Variants in PRC1 observed in about 807,000 individuals in gnomAD.
PRC1 encodes the protein protein regulator of cytokinesis 1, also known as anaphase spindle elongation 1 homolog.
Under a neutral mutation model 91.2 loss-of-function variants are expected in PRC1, and 54 were observed. The observed-to-expected ratio is 0.59, with a 90% confidence interval of 0.48 to 0.74. The LOEUF is 0.74. Ranked by LOEUF, PRC1 falls within the 30% of genes least tolerant of loss-of-function variation. The pLI, the probability that PRC1 is intolerant of heterozygous loss-of-function variation, is 0.00. For synonymous variants in PRC1, 275 were observed against 263.6 expected (o/e 1.04, Z -0.42); for missense variants, 727 against 746.2 (o/e 0.97, Z 0.30).
At chr15:90,987,366 G>C (rs1217784669) in intron 1 of PRC1, among the ~76,000 whole-genome samples, 2 of 152,172 alleles carry the variant, frequency 1.3e-5, no homozygotes, top group Non-Finnish European at 2.9e-5. Flanking sequence ...GCAGTGACTG[G>C]TAGAGGGCTT....
chr15:90,976,617 A>G lies in PRC1; in HGVS notation c.1203+59T>C, dbSNP rs1161362114. 7 of 1,323,556 alleles carry G rather than the reference A, an allele frequency of 5.3e-6. No homozygotes were observed. In the African/African-American group the frequency reaches 5.9e-5, roughly 11 times the overall value. 82.0% of individuals were successfully genotyped at this position (1,323,556 alleles called of 1,614,324 possible). Reference sequence around the variant, plus strand: ...GGCTAAACAATAGAAAGAAAAAGACATACAAATAGTGAGGTATCTTTGTAA... The same window carrying G: ...GGCTAAACAATAGAAAGAAAAAGACGTACAAATAGTGAGGTATCTTTGTAA... On this transcript the variant is annotated intron_variant, in intron 9 of 14. Coordinates refer to ENST00000394249, the MANE Select transcript of PRC1 (RefSeq NM_003981.4).
intron 9 of PRC1, among the ~76,000 whole-genome samples, chr15:90,976,157 T>C (rs1378168448): frequency 6.6e-6 from 1 of 152,128 alleles, no homozygotes; most frequent in African/African-American, 2.4e-5. Flanking sequence ...GGCGCGGTCT[T>C]GGCTCACTGC....
intron 11 of PRC1, 144 bp from the exon 12 acceptor site, chr15:90,970,658 A>C (rs2038042395): frequency 3.3e-6 from 2 of 602,784 alleles, no homozygotes; most frequent in African/African-American, 3.7e-5. Context: ...GCTGTGTCTA[A>C]TACTGCATAG....
chr15:90,972,214 C>CAAA (rs780979035), intron 11 of PRC1, among the ~76,000 whole-genome samples: 47 of 119,248 alleles, frequency 3.9e-4, no homozygotes, highest in Admixed American at 6.1e-4. Context: ...ACACCACCAA[C>CAAA]AAAAAAAAAA....
rs2040166699 is a variant in PRC1 at position 90,994,313 on chromosome 15, G to C, written c.11+94C>G. The C allele has an allele frequency of 3.2e-6, 5 of 1,584,570 alleles. No homozygotes were observed. The East Asian group carries it at 7.0e-5, about 22-fold the overall frequency. Reference sequence around the variant, plus strand: ...GACTGCCGTGACGATCTAGGCCCGGGACCCCGCACGGGTCCCGCACCCCTG... The same window carrying C: ...GACTGCCGTGACGATCTAGGCCCGGCACCCCGCACGGGTCCCGCACCCCTG... On this transcript the variant is annotated intron_variant, in intron 1 of 14. Transcript: ENST00000394249.
rs546216495 is a variant in PRC1, at chr15:90,974,002, C to A, written c.1461+134G>T. On this transcript the variant is annotated intron_variant, in intron 11 of 14. Coordinates refer to ENST00000394249, the MANE Select transcript of PRC1 (RefSeq NM_003981.4). The surrounding 1 kb of genome is among the most constrained non-coding windows in gnomAD (Gnocchi z 4.6). ...TTTCTCTATACTTTGTGTCTTATTT[C>A]TTTTCTCTGTCTCTTGTCCCACCTG... The A allele has an allele frequency of 2.8e-6, 2 of 717,986 alleles. No homozygotes were observed. Among genetic ancestry groups the A allele is most frequent in the Admixed American group, 2.6e-5 (1 of 38,694 alleles). 44.5% of individuals were successfully genotyped at this position (717,986 alleles called of 1,614,324 possible).
rs755126459 is a variant in PRC1 at position 90,969,456 on chromosome 15, A to G, written c.1740T>C (p.Ser580=). ...FSINSVASTY[S]EFAKDPSLSD... is the part of the protein sequence containing the mutation. ...AGAAAAGGTGAATTACCGCAAACTC[A>G]GAATAGGTGCTGGCAACAGAATTAA... Residue 580 remains serine, a synonymous_variant, in exon 13 of 15, where the codon TCT becomes TCC. Coordinates refer to ENST00000394249, the MANE Select transcript of PRC1 (RefSeq NM_003981.4). 2 of 1,599,998 alleles carry G rather than the reference A, an allele frequency of 1.3e-6. No homozygotes were observed. Among genetic ancestry groups the G allele is most frequent in the Non-Finnish European group, 8.5e-7 (1 of 1,171,704 alleles).
chr15:90,977,577 T>A (rs2038831958), intron 8 of PRC1, among the ~76,000 whole-genome samples: 2 of 56,838 alleles, frequency 3.5e-5, no homozygotes, highest in Non-Finnish European at 6.4e-5. Flanking sequence ...CTTATTTACG[T>A]TTTTTTTTTT....
Position 90,970,348 on chromosome 15 carries a change from G to C in PRC1, c.1572+56C>G, listed in dbSNP as rs534136559. 5.2e-5 allele frequency: 68 copies of C among 1,309,902 alleles called. No individual in the cohort carries two copies. The Middle Eastern group carries it at 2.7e-3, about 52-fold the overall frequency. 81.1% of individuals were successfully genotyped at this position (1,309,902 alleles called of 1,614,324 possible). A position where few individuals can be genotyped will look rare whatever the true frequency, so the allele number is the denominator to read the frequency against. ...TCTAGAACAAGTAGGTGGGGCCTCT[G>C]GGTGAACAGGCTAGGGACGCATGTG... On this transcript the variant is annotated intron_variant, in intron 12 of 14. Coordinates refer to ENST00000394249, the MANE Select transcript of PRC1 (RefSeq NM_003981.4).
At chr15:90,976,531 T>C in intron 9 of PRC1, 145 bp downstream of exon 9, 1 of 635,328 alleles carries the variant, frequency 1.6e-6, no homozygotes, top group Non-Finnish European at 2.7e-6. Flanking sequence ...TGATATGGAG[T>C]TGCTTATACT....
intron 12 of PRC1, 106 bp downstream of exon 12, chr15:90,970,298 A>T (rs959578787): frequency 4.7e-6 from 4 of 842,208 alleles, no homozygotes; most frequent in African/African-American, 1.7e-5. Context: ...CATCTCAATA[A>T]GAACCAAATC....
chr15:90,976,162 C>T (rs2038674126), intron 9 of PRC1, among the ~76,000 whole-genome samples: 1 of 152,160 alleles, frequency 6.6e-6, no homozygotes, highest in African/African-American at 2.4e-5. Flanking sequence ...GGTCTTGGCT[C>T]ACTGCAACCT....
chr15:90,981,962 A>C lies in PRC1; in HGVS notation c.287T>G (p.Ile96Ser). The C allele has an allele frequency of 6.2e-7, 1 of 1,614,076 alleles. No individual in the cohort carries two copies. Among genetic ancestry groups the C allele is most frequent in the Non-Finnish European group, 8.5e-7 (1 of 1,179,996 alleles). ...EPFQEEGETT[I>S]LQLEKDLRTQ... Reference sequence around the variant, plus strand: ...GCGCAAATCTTTTTCTAGTTGCAAGATGGTCGTCTCTCCTTCTTCCTGAAT... The same window carrying C: ...GCGCAAATCTTTTTCTAGTTGCAAGCTGGTCGTCTCTCCTTCTTCCTGAAT... Residue 96 changes from isoleucine (I) to serine (S), a missense_variant, in exon 4 of 15, where the codon ATC (isoleucine) becomes AGC (serine). Transcript: ENST00000394249.
chr15:90,972,648 A>C (rs775137457), intron 11 of PRC1, among the ~76,000 whole-genome samples: 4 of 152,070 alleles, frequency 2.6e-5, no homozygotes, highest in Non-Finnish European at 5.9e-5. Flanking sequence ...CTGAGGCAGG[A>C]GAATTGCTTG....
At chr15:90,971,855 C>T (rs1335626838) in intron 11 of PRC1, among the ~76,000 whole-genome samples, 1 of 150,640 alleles carries the variant, frequency 6.6e-6, no homozygotes, top group African/African-American at 2.4e-5. Context: ...AAGTGAAACC[C>T]CATCTCTACT....
intron 11 of PRC1, among the ~76,000 whole-genome samples, chr15:90,970,818 T>C (rs148324595): frequency 1.3e-5 from 2 of 152,322 alleles, no homozygotes; most frequent in East Asian, 3.9e-4. Context: ...AATGAAAGCA[T>C]AGATCCATAC....
rs150916803 is a variant in PRC1, at chr15:90,984,032, C to T, written c.253G>A (p.Val85Ile). 169 of 1,614,118 alleles carry T rather than the reference C, an allele frequency of 1.0e-4. No homozygotes were observed. In the African/African-American group the frequency reaches 2.2e-3, roughly 21 times the overall value. The change falls in exon 3 of 15, where the codon GTT becomes ATT. Residue 85 changes from valine to isoleucine, a missense_variant. Physicochemically the swap from Val to Ile is conservative, Grantham distance 29 (BLOSUM62 3). Coordinates refer to ENST00000394249, the MANE Select transcript of PRC1 (RefSeq NM_003981.4). The surrounding 1 kb of genome is among the most constrained non-coding windows in gnomAD (Gnocchi z 5.1). ...ELNTLCSELH[V>I]EPFQEEGETT... ...CTGCCACGGACCTGAAATGGCTCAACATGTAACTCGCTGCACAGAGTGTTC... is the reference window on the plus strand; with the variant it reads ...CTGCCACGGACCTGAAATGGCTCAATATGTAACTCGCTGCACAGAGTGTTC...
intron 3 of PRC1, 195 bp downstream of exon 3, chr15:90,983,823 C>T (rs2151562517): frequency 1.7e-6 from 1 of 604,738 alleles, no homozygotes; most frequent in South Asian, 4.4e-5. Flanking sequence ...TGCTTCACCT[C>T]TTACCAGGGC....
Position 90,974,396 on chromosome 15 carries a change from C to G in PRC1, c.1351-150G>C. The G allele has an allele frequency of 9.2e-7, 1 of 1,092,228 alleles. No homozygotes were observed. The highest frequency in any genetic ancestry group is 1.3e-6 in the Non-Finnish European group (1 of 766,698). 67.7% of individuals were successfully genotyped at this position (1,092,228 alleles called of 1,614,324 possible). A position where few individuals can be genotyped will look rare whatever the true frequency, so the allele number is the denominator to read the frequency against. On this transcript the variant is annotated intron_variant, in intron 10 of 14. Coordinates refer to ENST00000394249, the MANE Select transcript of PRC1 (RefSeq NM_003981.4). This position sits in a 1 kb window ranked among gnomAD's most constrained non-coding sequence, Gnocchi z 4.6. ...GCTCCCCGTTCCACAAGCCCCGGTC[C>G]CCGGCTCCCCGTTCCACAAGCCCCG...
Sources: allele counts gnomAD v4.1 joint callset (sites outside exome capture counted in the v4.1 genomes callset), GRCh38; gene constraint gnomAD v4.1.1; non-coding constraint Gnocchi (gnomAD v3.1); transcripts MANE v1.5; gene names NCBI Gene and HGNC (gene_info 2026-07-23, HGNC 2026-07-21).